Variants in SNX29 observed in about 807,000 individuals in gnomAD.
SNX29 encodes the protein sorting nexin 29.
Under a neutral mutation model 102.1 loss-of-function variants are expected in SNX29, and 78 were observed. That is an observed-to-expected ratio of 0.76 (90% confidence interval 0.64 to 0.92). The LOEUF is 0.92. Among genes scored for constraint, SNX29 ranks in the 40% least tolerant of loss-of-function variants. The pLI is 0.00. For synonymous variants in SNX29, 580 were observed against 414.5 expected (o/e 1.40, Z -4.85); for missense variants, 1,280 against 1,061.7 (o/e 1.21, Z -2.86).
At position 12,563,955 on chromosome 16, in the gene SNX29, C is replaced by G. The variant is rs67897207; in HGVS notation, c.2319-4551C>G. On this transcript the variant is annotated intron_variant, in intron 20 of 20. Coordinates refer to ENST00000566228, the MANE Select transcript of SNX29 (RefSeq NM_032167.5). ...AGACGCTGATCTTGTTCAAGAAAGA[C>G]GAGGAAGGGCTTTTCAGATAAGGTT... 7.9e-5 allele frequency among the ~76,000 whole-genome samples: 12 copies of G among 152,018 alleles called. No homozygotes were observed. In the East Asian group the frequency reaches 9.7e-4, roughly 12 times the overall value.
Position 12,141,440 on chromosome 16 carries a change from A to C in SNX29, c.1595+11682A>C, listed in dbSNP as rs556132050. ...AAGAAAGAATTCAGGGCAAGTGCTT[A>C]AAGTGAAGGCAAGTTTATTAGAGAA... On this transcript the variant is annotated intron_variant, in intron 13 of 20. Coordinates refer to ENST00000566228, the MANE Select transcript of SNX29 (RefSeq NM_032167.5). Among the ~76,000 whole-genome samples the C allele has an allele frequency of 1.3e-5, 2 of 152,372 alleles. 1 individual carries two copies. The highest frequency in any genetic ancestry group is 4.8e-5 in the African/African-American group (2 of 41,604).
chr16:12,074,309 G>A (rs534807230), intron 10 of SNX29, among the ~76,000 whole-genome samples: 1 of 152,008 alleles, frequency 6.6e-6, no homozygotes, highest in South Asian at 2.1e-4. Context: ...GGCTGGTACC[G>A]GTTGTGCCTT....
chr16:12,565,907 C>A (rs563308072), intron 20 of SNX29, among the ~76,000 whole-genome samples: 5 of 152,124 alleles, frequency 3.3e-5, no homozygotes, highest in Non-Finnish European at 7.4e-5. Context: ...GGGGCATCCA[C>A]CGTGATCCAC....
At chr16:11,980,215 C>G (rs929631548) in intron 1 of SNX29, among the ~76,000 whole-genome samples, 1 of 152,144 alleles carries the variant, frequency 6.6e-6, no homozygotes, top group Non-Finnish European at 1.5e-5. Context: ...TACTTTCTGT[C>G]TCTGGATGTG....
At chr16:12,428,927 C>T (rs181261532) in intron 18 of SNX29, among the ~76,000 whole-genome samples, 17 of 152,160 alleles carry the variant, frequency 1.1e-4, no homozygotes, top group Middle Eastern at 3.4e-3. Flanking sequence ...CACACAGATA[C>T]GATTGCAACT....
intron 19 of SNX29, among the ~76,000 whole-genome samples, chr16:12,517,476 C>T (rs566043020): frequency 2.3e-4 from 35 of 152,222 alleles, no homozygotes; most frequent in African/African-American, 8.0e-4. Flanking sequence ...AGTCTGTCCA[C>T]TCCACCACCA....
chr16:12,237,320 A>C (rs2142254604), intron 14 of SNX29, among the ~76,000 whole-genome samples: 1 of 152,272 alleles, frequency 6.6e-6, no homozygotes, highest in East Asian at 1.9e-4. Context: ...GGAGGTGGGG[A>C]GCTGTGCCTC....
chr16:12,354,553 T>A (rs1236238241), intron 15 of SNX29, among the ~76,000 whole-genome samples: 8 of 152,210 alleles, frequency 5.3e-5, no homozygotes, highest in Non-Finnish European at 1.2e-4. Context: ...CTGCTTGGCT[T>A]TGGAAATGGC....
intron 15 of SNX29, among the ~76,000 whole-genome samples, chr16:12,297,984 A>G (rs908815125): frequency 2.0e-5 from 3 of 152,232 alleles, no homozygotes; most frequent in Admixed American, 6.5e-5. Context: ...AGCCTGGCCA[A>G]CATGGCAAAA....
At position 12,251,442 on chromosome 16, in the gene SNX29, C is replaced by A. The variant is rs528299562; in HGVS notation, c.1679-26491C>A. ...CATAGGCTGGGTACAGTGGCTCATGCCTGTAATCCCAACACTTTGGGGGGC... is the reference window on the plus strand; with the variant it reads ...CATAGGCTGGGTACAGTGGCTCATGACTGTAATCCCAACACTTTGGGGGGC... On this transcript the variant is annotated intron_variant, in intron 14 of 20. Transcript: ENST00000566228. Among the ~76,000 whole-genome samples the A allele has an allele frequency of 2.0e-5, 3 of 152,318 alleles. No homozygotes were observed. The East Asian group carries it at 5.8e-4, about 29-fold the overall frequency.
intron 1 of SNX29, among the ~76,000 whole-genome samples, chr16:11,998,715 G>T (rs1036271918): frequency 6.6e-6 from 1 of 152,152 alleles, no homozygotes; most frequent in Non-Finnish European, 1.5e-5. Context: ...AGAACTTTGG[G>T]AGCCACTTCT....
intron 14 of SNX29, among the ~76,000 whole-genome samples, chr16:12,265,736 A>G (rs941220336): frequency 6.9e-6 from 1 of 144,752 alleles, no homozygotes; most frequent in Non-Finnish European, 1.5e-5. Context: ...AAGTTGCAAA[A>G]TTAATTATCT....
At chr16:12,508,341 A>C (rs1210832405) in intron 19 of SNX29, among the ~76,000 whole-genome samples, 1 of 152,198 alleles carries the variant, frequency 6.6e-6, no homozygotes, top group Admixed American at 6.5e-5. Flanking sequence ...AGAAGCATGG[A>C]CCGGTGTCAC....
At chr16:12,079,961 A>G (rs1476234618) in intron 11 of SNX29, among the ~76,000 whole-genome samples, 1 of 152,228 alleles carries the variant, frequency 6.6e-6, no homozygotes, top group African/African-American at 2.4e-5. Context: ...GGTGAAATAT[A>G]GTATTTTCTT....
chr16:12,411,983 A>G (rs943405183), intron 18 of SNX29, among the ~76,000 whole-genome samples: 2 of 152,200 alleles, frequency 1.3e-5, no homozygotes, highest in African/African-American at 4.8e-5. Flanking sequence ...AACTGTATGG[A>G]GCATCTCCTT....
chr16:12,238,096 C>T (rs1042674322), intron 14 of SNX29, among the ~76,000 whole-genome samples: 37 of 152,010 alleles, frequency 2.4e-4, no homozygotes, highest in Non-Finnish European at 8.8e-5. Flanking sequence ...AGATGAACCT[C>T]GGTGGAGGGG....
At chr16:12,525,506 C>T (rs1187105918) in intron 20 of SNX29, among the ~76,000 whole-genome samples, 1 of 152,026 alleles carries the variant, frequency 6.6e-6, no homozygotes, top group Non-Finnish European at 1.5e-5. Flanking sequence ...AATCCTGTCT[C>T]TACTAAAAAT....
intron 13 of SNX29, among the ~76,000 whole-genome samples, chr16:12,175,888 C>A (rs2076249939): frequency 6.6e-6 from 1 of 152,080 alleles, no homozygotes; most frequent in Non-Finnish European, 1.5e-5. Flanking sequence ...CCCTTGTAGT[C>A]CTAGCTACTT....
At chr16:12,446,794 C>G (rs1488298179) in intron 18 of SNX29, among the ~76,000 whole-genome samples, 1 of 152,090 alleles carries the variant, frequency 6.6e-6, no homozygotes, top group East Asian at 1.9e-4. Flanking sequence ...TATGAAATGG[C>G]CGTTATTCAC....
Sources: allele counts gnomAD v4.1 joint callset (sites outside exome capture counted in the v4.1 genomes callset), GRCh38; gene constraint gnomAD v4.1.1; transcripts MANE v1.5; gene names NCBI Gene and HGNC (gene_info 2026-07-23, HGNC 2026-07-21).